The following SMCHD1 variants were observed in gnomAD, a reference collection of about 807,000 sequenced individuals.
SMCHD1 encodes the protein structural maintenance of chromosomes flexible hinge domain-containing protein 1.
SMCHD1 carries 78 observed loss-of-function variants against 254.7 expected under a neutral mutation model. The ratio of observed to expected loss-of-function variants is 0.31; its 90% confidence interval spans 0.26 to 0.37. SMCHD1 has a LOEUF of 0.37. SMCHD1 is among the 10% of genes least tolerant of loss of function. SMCHD1 has a pLI of 1.00. For synonymous variants in SMCHD1, 766 were observed against 794.9 expected, an observed-to-expected ratio of 0.96 and a Z score of 0.61; for missense variants, 1,840 against 2,408.1, an observed-to-expected ratio of 0.76 and a Z score of 4.94.
chr18:2,766,280 G>C (rs866290006), intron 37 of SMCHD1, among the ~76,000 whole-genome samples: 4 of 152,162 alleles, frequency 2.6e-5, no homozygotes, highest in Non-Finnish European at 5.9e-5. Flanking sequence ...GGCGTGAGCC[G>C]CCGTGCCCGG....
intron 3 of SMCHD1, among the ~76,000 whole-genome samples, chr18:2,669,155 G>A (rs1598286980): frequency 2.0e-5 from 2 of 100,982 alleles, no homozygotes; most frequent in South Asian, 3.9e-4. Context: ...GGACCGGCCT[G>A]GGGGACATGA....
Position 2,665,897 on chromosome 18 carries a change from C to T in SMCHD1, c.187-260C>T, listed in dbSNP as rs114921993. On this transcript the variant is annotated intron_variant, in intron 1 of 47. Coordinates refer to ENST00000320876, the MANE Select transcript of SMCHD1 (RefSeq NM_015295.3). ...TGATGATGTTAAAATGCTTTTAAAA[C>T]GTTCCACCTAATCACTAGTGTTCCT... Among the ~76,000 whole-genome samples, 1,178 of 152,154 alleles carry T rather than the reference C, an allele frequency of 7.7e-3. 16 individuals are homozygous for T. Among genetic ancestry groups the T allele is most frequent in the African/African-American group, 0.023 (952 of 41,500 alleles).
intron 44 of SMCHD1, among the ~76,000 whole-genome samples, chr18:2,783,734 A>G (rs146560217): frequency 2.0e-5 from 3 of 151,966 alleles, no homozygotes; most frequent in South Asian, 2.1e-4. Flanking sequence ...CACCATGCCC[A>G]GCTAATTTTT....
chr18:2,706,910 A>G (rs1225848461), intron 15 of SMCHD1, among the ~76,000 whole-genome samples: 4 of 152,296 alleles, frequency 2.6e-5, no homozygotes, highest in African/African-American at 9.6e-5. Context: ...GGAAACTTAT[A>G]ATCATGGCAT....
At chr18:2,720,440 T>C (rs1287952074) in intron 19 of SMCHD1, among the ~76,000 whole-genome samples, 1 of 152,208 alleles carries the variant, frequency 6.6e-6, no homozygotes, top group African/African-American at 2.4e-5. Flanking sequence ...TCCTGATTCA[T>C]AGTTTGTTTC....
chr18:2,698,439 T>A (rs2074330721), intron 10 of SMCHD1, among the ~76,000 whole-genome samples: 1 of 152,200 alleles, frequency 6.6e-6, no homozygotes, highest in South Asian at 2.1e-4. Flanking sequence ...CTCAAAATTA[T>A]ATAAATCTGT....
At chr18:2,707,430 G>T (rs1204284849) in intron 15 of SMCHD1, 133 bp from the exon 16 acceptor site, 2 of 475,632 alleles carry the variant, frequency 4.2e-6, no homozygotes, top group African/African-American at 4.1e-5. Flanking sequence ...ATGATTAATC[G>T]TAAAGAATTC....
chr18:2,762,135 G>A lies in SMCHD1; in HGVS notation c.4465G>A (p.Val1489Met). The A allele has an allele frequency of 1.9e-6, 3 of 1,613,558 alleles. No homozygotes were observed. The highest frequency in any genetic ancestry group is 2.5e-6 in the Non-Finnish European group (3 of 1,179,610). ...AGTTGAAGTCCTGCCTAATCAACCT[G>A]TGAAGTTAGTACCTAAAATTAAACC... is the stretch of plus-strand genomic sequence containing the variant. The part of the protein sequence containing the change: ...VIVEVLPNQP[V>M]KLVPKIKPPT... Residue 1489 changes from valine (V) to methionine (M), a missense_variant, in exon 36 of 48, where the codon GTG becomes ATG. This residue lies in a region of SMCHD1 where 881 missense variants were observed against 1,009.5 expected (regional missense o/e 0.87). Transcript: ENST00000320876.
At chr18:2,685,370 A>G (rs1373524115) in intron 5 of SMCHD1, among the ~76,000 whole-genome samples, 1 of 152,062 alleles carries the variant, frequency 6.6e-6, no homozygotes, top group African/African-American at 2.4e-5. Flanking sequence ...AAGTGCTGGG[A>G]TTACAGGCGT....
chr18:2,751,412 T>A lies in SMCHD1; in HGVS notation c.4281+19T>A. On this transcript the variant is annotated intron_variant, in intron 33 of 47. Transcript: ENST00000320876. ...AGCAAATGTGAGTCATGGGAAGCAT[T>A]TTTTGAAGTTAAAAATAGTTCTTAC... The A allele has an allele frequency of 7.1e-7, 1 of 1,415,956 alleles. No individual in the cohort carries two copies. 87.7% of individuals were successfully genotyped at this position (1,415,956 alleles called of 1,614,324 possible). A position where few individuals can be genotyped will look rare whatever the true frequency, so the allele number is the denominator to read the frequency against.
At chr18:2,793,557 TG>T in intron 45 of SMCHD1, among the ~76,000 whole-genome samples, 1 of 148,186 alleles carries the variant, frequency 6.7e-6, no homozygotes, top group South Asian at 2.1e-4. Context: ...CCCAGCCACC[TG>T]GGAGGCTGAG....
chr18:2,700,535 C>T lies in SMCHD1; in HGVS notation c.1343-4C>T, dbSNP rs1216116526. 2.5e-6 allele frequency: 4 copies of T among 1,599,702 alleles called. No homozygotes were observed. Among genetic ancestry groups the T allele is most frequent in the Non-Finnish European group, 3.4e-6 (4 of 1,174,938 alleles). ...ATTTTGTTCCATTTGCCCTTTTGATCTAGAATTAAAAGATGAAGATGATGA... is the reference window on the plus strand; with the variant it reads ...ATTTTGTTCCATTTGCCCTTTTGATTTAGAATTAAAAGATGAAGATGATGA... On this transcript the variant is annotated splice_region_variant and splice_polypyrimidine_tract_variant and intron_variant, in intron 10 of 47. Transcript: ENST00000320876.
chr18:2,655,981 C>T lies in SMCHD1; in HGVS notation c.-95C>T. ...CGCCGGGCCGAGGCCTCGAGCCGCC[C>T]CGGGAGCTGGAGCTGAAGGCGCCGC... is the stretch of plus-strand genomic sequence containing the variant. On this transcript the variant is annotated 5_prime_UTR_variant, in exon 1 of 48. Transcript: ENST00000320876. 1.8e-6 allele frequency: 2 copies of T among 1,086,936 alleles called. No individual in the cohort carries two copies. The highest frequency in any genetic ancestry group is 2.3e-6 in the Non-Finnish European group (2 of 854,322). The allele number at this position is 1,086,936 out of a possible 1,614,324, so 67.3% of individuals were successfully genotyped here. A position where few individuals can be genotyped will look rare whatever the true frequency, so the allele number is the denominator to read the frequency against.
At chr18:2,722,752 T>C in intron 20 of SMCHD1, 89 bp downstream of exon 20, 1 of 1,133,296 alleles carries the variant, frequency 8.8e-7, no homozygotes, top group South Asian at 2.0e-5. Flanking sequence ...GTGTGTAAGG[T>C]GTTCAACTTT....
intron 22 of SMCHD1, among the ~76,000 whole-genome samples, chr18:2,727,907 A>T (rs983826816): frequency 6.6e-6 from 1 of 152,088 alleles, no homozygotes; most frequent in African/African-American, 2.4e-5. Context: ...AGTGTTTATG[A>T]ACGAATCAGA....
At chr18:2,787,361 A>G (rs950668553) in intron 45 of SMCHD1, among the ~76,000 whole-genome samples, 11 of 152,216 alleles carry the variant, frequency 7.2e-5, no homozygotes, top group African/African-American at 2.7e-4. Context: ...AAATTTTAAC[A>G]TGAGCTTTGG....
intron 37 of SMCHD1, among the ~76,000 whole-genome samples, chr18:2,768,626 A>G (rs1037118959): frequency 2.1e-5 from 3 of 144,134 alleles, no homozygotes; most frequent in Admixed American, 7.1e-5. Context: ...TATATACTAT[A>G]CTACTAGTAT....
At chr18:2,689,452 C>G (rs1033665204) in intron 7 of SMCHD1, among the ~76,000 whole-genome samples, 1 of 151,956 alleles carries the variant, frequency 6.6e-6, no homozygotes, top group African/African-American at 2.4e-5. Flanking sequence ...AACTCCTGAC[C>G]TCAAGTGATC....
intron 17 of SMCHD1, among the ~76,000 whole-genome samples, chr18:2,710,717 G>A (rs1429759949): frequency 1.3e-5 from 2 of 152,148 alleles, no homozygotes; most frequent in African/African-American, 2.4e-5. Flanking sequence ...TTGAATAGAA[G>A]TAACCAAAAT....
Sources: allele counts gnomAD v4.1 joint callset (sites outside exome capture counted in the v4.1 genomes callset), GRCh38; gene constraint gnomAD v4.1.1; regional missense constraint gnomAD v4.1.1; transcripts MANE v1.5; gene names NCBI Gene and HGNC (gene_info 2026-07-23, HGNC 2026-07-21).